SH3GL3: variants seen among roughly 807,000 people sequenced by gnomAD.
The protein encoded by SH3GL3 is endophilin-A3.
In SH3GL3, 33 loss-of-function variants were observed where a neutral mutation model predicts 47.7. The ratio of observed to expected loss-of-function variants is 0.69; its 90% CI spans 0.52 to 0.92. The LOEUF is 0.92. Ranked by LOEUF, SH3GL3 falls within the 40% of genes least tolerant of loss-of-function variation. The pLI is 0.00. For synonymous variants in SH3GL3, 155 were observed against 148.8 expected, an observed-to-expected ratio of 1.04 and a Z score of -0.30; for missense variants, 363 against 417.8, an observed-to-expected ratio of 0.87 and a Z score of 1.14.
intron 6 of SH3GL3, 107 bp downstream of exon 6, chr15:83,576,848 T>C (rs562256008): frequency 6.3e-5 from 44 of 695,414 alleles, no homozygotes; most frequent in African/African-American, 4.5e-4. Flanking sequence ...TGTCCAATCT[T>C]TTGGCTTCCC....
intron 8 of SH3GL3, chr15:83,611,524 A>G (rs2151845570): frequency 6.6e-6 from 1 of 151,434 alleles, no homozygotes; most frequent in South Asian, 2.1e-4. Flanking sequence ...CCGCCTGTTC[A>G]AGGACACCGA....
At chr15:83,600,274 T>G (rs1490275745) in intron 8 of SH3GL3, among the ~76,000 whole-genome samples, 1 of 152,222 alleles carries the variant, frequency 6.6e-6, no homozygotes, top group Non-Finnish European at 1.5e-5. Flanking sequence ...TAAGCCAATG[T>G]CTAGAAGAGT....
At chr15:83,542,229 C>A (rs2044202817) in intron 1 of SH3GL3, among the ~76,000 whole-genome samples, 1 of 152,084 alleles carries the variant, frequency 6.6e-6, no homozygotes, top group African/African-American at 2.4e-5. Context: ...AAAGACTGTC[C>A]TTTCCCCAAT....
intron 8 of SH3GL3, chr15:83,611,645 C>T (rs1596351126): frequency 6.6e-6 from 1 of 152,568 alleles, no homozygotes; most frequent in African/African-American, 2.4e-5. Flanking sequence ...GAACTGCCAG[C>T]TGCAGGACCA....
intron 1 of SH3GL3, among the ~76,000 whole-genome samples, chr15:83,526,800 C>T (rs758687883): frequency 9.9e-5 from 15 of 152,016 alleles, no homozygotes; most frequent in Non-Finnish European, 1.9e-4. Context: ...TGCACATGTA[C>T]CCCTGAACTT....
rs1199625011 is a variant in SH3GL3 at position 83,586,641 on chromosome 15, G to C, written c.625-342G>C. Among the ~76,000 whole-genome samples the C allele has an allele frequency of 2.6e-5, 4 of 152,188 alleles. No homozygotes were observed. The East Asian group carries it at 7.7e-4, about 29-fold the overall frequency. ...CTTTTGCTAAATGTTGGCTTCGTTT[G>C]TAACTGGAAGAGCTTTATCTCTCTG... is the stretch of plus-strand genomic sequence containing the variant. On this transcript the variant is annotated intron_variant, in intron 6 of 8. Coordinates refer to ENST00000427482, the MANE Select transcript of SH3GL3 (RefSeq NM_003027.5).
At chr15:83,520,290 G>T (rs897957191) in intron 1 of SH3GL3, among the ~76,000 whole-genome samples, 1 of 152,172 alleles carries the variant, frequency 6.6e-6, no homozygotes, top group African/African-American at 2.4e-5. Context: ...TATCTTCTAA[G>T]ACTGTTTGCC....
intron 1 of SH3GL3, among the ~76,000 whole-genome samples, chr15:83,486,879 C>G (rs1017182132): frequency 2.6e-5 from 4 of 152,162 alleles, no homozygotes. Context: ...CTCCCTGTGT[C>G]TTCACATGGC....
intron 1 of SH3GL3, among the ~76,000 whole-genome samples, chr15:83,463,690 T>A (rs990217277): frequency 6.6e-5 from 10 of 152,070 alleles, no homozygotes; most frequent in Non-Finnish European, 1.0e-4. Flanking sequence ...TCCTTTGATC[T>A]TAGGTCCCTC....
intron 1 of SH3GL3, among the ~76,000 whole-genome samples, chr15:83,485,315 C>A (rs1427707043): frequency 1.2e-4 from 19 of 152,126 alleles, no homozygotes; most frequent in Admixed American, 1.2e-3. Flanking sequence ...TGTGTTCCTT[C>A]ATATATTAAT....
chr15:83,456,763 C>T (rs1038775544), intron 1 of SH3GL3, among the ~76,000 whole-genome samples: 4 of 151,460 alleles, frequency 2.6e-5, no homozygotes, highest in Admixed American at 6.6e-5. Flanking sequence ...AGAAATCACC[C>T]GTCTTCTGCG....
chr15:83,583,105 T>C (rs1397272859), intron 6 of SH3GL3, among the ~76,000 whole-genome samples: 1 of 152,208 alleles, frequency 6.6e-6, no homozygotes, highest in Admixed American at 6.5e-5. Flanking sequence ...CTATGGGAAA[T>C]GTGCCTTTTC....
chr15:83,576,742 G>A lies in SH3GL3; in HGVS notation c.624+1G>A, dbSNP rs1253179887. 1 of 1,588,796 alleles carries A rather than the reference G, an allele frequency of 6.3e-7. No homozygotes were observed. Among genetic ancestry groups the A allele is most frequent in the South Asian group, 1.1e-5 (1 of 89,526 alleles). ...CATGTTTAACTTTTTAGAAAATGATGTAAGTATTTAAACCAAATAGGAGAT... is the reference window on the plus strand; with the variant it reads ...CATGTTTAACTTTTTAGAAAATGATATAAGTATTTAAACCAAATAGGAGAT... On this transcript the variant is annotated splice_donor_variant, in intron 6 of 8. Transcript: ENST00000427482. LOFTEE classifies it high-confidence loss of function.
intron 4 of SH3GL3, among the ~76,000 whole-genome samples, chr15:83,570,255 T>C (rs545942544): frequency 6.6e-6 from 1 of 152,290 alleles, no homozygotes; most frequent in East Asian, 1.9e-4. Context: ...TGTTGAAAAG[T>C]CCAACTTTCT....
chr15:83,618,379 C>G lies in SH3GL3; in HGVS notation c.*92C>G, dbSNP rs1378460145. ...GCGGTGTTCTGTGACATCCTTTGCT[C>G]TCTGACCAACTTAATGACTTTTGTA... On this transcript the variant is annotated 3_prime_UTR_variant, in exon 9 of 9. Transcript: ENST00000427482. 5 of 768,708 alleles carry G rather than the reference C, an allele frequency of 6.5e-6. No homozygotes were observed. The highest frequency in any genetic ancestry group is 1.2e-5 in the Non-Finnish European group (5 of 431,094). The allele number at this position is 768,708 out of a possible 1,614,324, so 47.6% of individuals were successfully genotyped here.
chr15:83,545,937 A>G (rs1486854896), intron 1 of SH3GL3, among the ~76,000 whole-genome samples: 2 of 152,042 alleles, frequency 1.3e-5, no homozygotes, highest in African/African-American at 4.8e-5. Context: ...TGATACAAGC[A>G]CTCCTGTGAC....
downstream of SH3GL3, among the ~76,000 whole-genome samples, chr15:83,619,422 A>T (rs1050081879): frequency 1.3e-5 from 2 of 151,918 alleles, no homozygotes; most frequent in African/African-American, 4.8e-5. Context: ...TTGCTGGGGG[A>T]GGGGAGGAGG....
intron 1 of SH3GL3, among the ~76,000 whole-genome samples, chr15:83,486,481 T>G (rs1017042131): frequency 6.6e-6 from 1 of 152,370 alleles, no homozygotes; most frequent in Non-Finnish European, 1.5e-5. Context: ...TTTATATGAA[T>G]GGAATTGTAC....
intron 1 of SH3GL3, among the ~76,000 whole-genome samples, chr15:83,449,535 C>CA (rs2039631170): frequency 1.3e-5 from 2 of 152,178 alleles, no homozygotes; most frequent in Non-Finnish European, 2.9e-5. Flanking sequence ...AAGCAAATCT[C>CA]AGAGATAACG....
Sources: allele counts gnomAD v4.1 joint callset (sites outside exome capture counted in the v4.1 genomes callset), GRCh38; gene constraint gnomAD v4.1.1; transcripts MANE v1.5; gene names NCBI Gene and HGNC (gene_info 2026-07-23, HGNC 2026-07-21).